Variants in NLN observed in about 807,000 individuals in gnomAD.
The protein encoded by NLN is neurolysin, mitochondrial.
Under a neutral mutation model 79.9 loss-of-function variants are expected in NLN, and 64 were observed. That is an observed-to-expected ratio of 0.80 (90% CI 0.65 to 0.99). NLN has a LOEUF of 0.99. Ranked by LOEUF, NLN falls within the 50% of genes least tolerant of loss-of-function variation. NLN has a pLI of 0.00. For missense variants in NLN, 835 were observed against 858.7 expected (o/e 0.97, Z 0.34); for synonymous variants, 267 against 296.6 (o/e 0.90, Z 1.02).
chr5:65,738,303 G>T (rs1402186773), intron 1 of NLN, among the ~76,000 whole-genome samples: 1 of 142,810 alleles, frequency 7.0e-6, no homozygotes, highest in African/African-American at 2.4e-5. Flanking sequence ...AGGGGGAAAG[G>T]CCAGGTGTGG....
At chr5:65,816,921 G>C (rs965952359) in intron 12 of NLN, among the ~76,000 whole-genome samples, 1 of 152,130 alleles carries the variant, frequency 6.6e-6, no homozygotes, top group African/African-American at 2.4e-5. Flanking sequence ...CCAGGCACTA[G>C]AGAGGCTGGG....
At chr5:65,803,835 C>T (rs1162169570) in intron 9 of NLN, among the ~76,000 whole-genome samples, 2 of 152,214 alleles carry the variant, frequency 1.3e-5, no homozygotes, top group African/African-American at 2.4e-5. Flanking sequence ...CTGTTCCTGG[C>T]TCCTGCCAGC....
At chr5:65,772,825 G>A (rs923129805) in intron 3 of NLN, among the ~76,000 whole-genome samples, 1 of 151,554 alleles carries the variant, frequency 6.6e-6, no homozygotes, top group African/African-American at 2.4e-5. Flanking sequence ...CTGCCTCCCA[G>A]GCTCAAGTGA....
chr5:65,723,814 C>CAAAAAAAAAAAAAA (rs760572199), intron 1 of NLN, among the ~76,000 whole-genome samples: 23 of 55,314 alleles, frequency 4.2e-4, no homozygotes, highest in African/African-American at 1.0e-3. Context: ...GACTCCGTCT[C>CAAAAAAAAAAAAAA]AAAAAAAAAA....
At chr5:65,788,995 G>A (rs1169651215) in intron 8 of NLN, among the ~76,000 whole-genome samples, 1 of 151,376 alleles carries the variant, frequency 6.6e-6, no homozygotes, top group Non-Finnish European at 1.5e-5. Flanking sequence ...TGAAAAATTA[G>A]CCAGGTGTGG....
At chr5:65,808,586 CTG>C (rs1760474658) in intron 9 of NLN, among the ~76,000 whole-genome samples, 1 of 152,192 alleles carries the variant, frequency 6.6e-6, no homozygotes, top group Non-Finnish European at 1.5e-5. Context: ...TAGTGAATCT[CTG>C]TTTTTCTACT....
chr5:65,732,861 C>G, intron 1 of NLN: 2 of 408,456 alleles, frequency 4.9e-6, no homozygotes, highest in South Asian at 4.6e-5. Context: ...TGGAGCTGCC[C>G]CTGAATGATC....
rs2150781352 is a variant in NLN, at chr5:65,824,881, G to C, written c.*1966G>C. 6.6e-6 allele frequency: 1 copy of C among 152,380 alleles called. No homozygotes were observed. Among genetic ancestry groups the C allele is most frequent in the East Asian group, 1.9e-4 (1 of 5,192 alleles). The allele number at this position is 152,380 out of a possible 1,614,324, so 9.4% of individuals were successfully genotyped here. Reference sequence around the variant, plus strand: ...AGCACTTTGGGAGGCCAAGGCAGGAGGATCACCTGAGGTCAGAGTTCAAGA... The same window carrying C: ...AGCACTTTGGGAGGCCAAGGCAGGACGATCACCTGAGGTCAGAGTTCAAGA... On this transcript the variant is annotated 3_prime_UTR_variant, in exon 13 of 13. Transcript: ENST00000380985.
intron 3 of NLN, among the ~76,000 whole-genome samples, chr5:65,769,692 G>T (rs567413673): frequency 6.6e-6 from 1 of 152,322 alleles, no homozygotes; most frequent in Admixed American, 6.5e-5. Flanking sequence ...GTAGCAATAT[G>T]ACTCATATAA....
intron 12 of NLN, among the ~76,000 whole-genome samples, chr5:65,816,713 A>T (rs1760679835): frequency 6.6e-6 from 1 of 152,184 alleles, no homozygotes; most frequent in Non-Finnish European, 1.5e-5. Context: ...TGGTGGCTTC[A>T]GATACATAGA....
At chr5:65,722,688 C>A in intron 1 of NLN, 1 of 487,398 alleles carries the variant, frequency 2.1e-6, no homozygotes, top group South Asian at 2.6e-5. Flanking sequence ...CAGACGCGGC[C>A]CAAAATGAAT....
At chr5:65,768,828 G>A (rs376548754) in intron 3 of NLN, among the ~76,000 whole-genome samples, 24 of 152,276 alleles carry the variant, frequency 1.6e-4, no homozygotes, top group African/African-American at 5.8e-4. Flanking sequence ...TTCCTAAAAG[G>A]CCACAATCCT....
chr5:65,818,388 C>T (rs1459423627), intron 12 of NLN, among the ~76,000 whole-genome samples: 1 of 152,030 alleles, frequency 6.6e-6, no homozygotes, highest in African/African-American at 2.4e-5. Flanking sequence ...CACTTCTCTA[C>T]CCCCCCATAC....
intron 1 of NLN, among the ~76,000 whole-genome samples, chr5:65,742,153 C>T (rs1758881232): frequency 6.6e-6 from 1 of 151,800 alleles, no homozygotes; most frequent in South Asian, 2.1e-4. Context: ...CATTTATTTA[C>T]AATGAAATTT....
rs140799100 is a variant in NLN, at chr5:65,809,595, G to A, written c.1608G>A (p.Val536=). Residue 536 remains valine (V), a synonymous_variant, in exon 10 of 13, where the codon GTG becomes GTA. Transcript: ENST00000380985. ...EVPSQMLENW[V]WDVDSLRRLS... The stretch of plus-strand genomic sequence containing the variant: ...CATCGCAAATGCTTGAAAATTGGGT[G>A]TGGGACGTCGATTCCCTCCGAAGAT... 8.5e-5 allele frequency: 137 copies of A among 1,613,892 alleles called. No individual in the cohort carries two copies. In the African/African-American group the frequency reaches 1.7e-3, roughly 20 times the overall value.
At chr5:65,756,059 A>T (rs1759210967) in intron 1 of NLN, among the ~76,000 whole-genome samples, 1 of 152,034 alleles carries the variant, frequency 6.6e-6, no homozygotes, top group Non-Finnish European at 1.5e-5. Flanking sequence ...TTCAACAAAG[A>T]CTTTTCAGTA....
At chr5:65,798,003 T>G (rs1316426655) in intron 9 of NLN, among the ~76,000 whole-genome samples, 1 of 152,130 alleles carries the variant, frequency 6.6e-6, no homozygotes, top group Non-Finnish European at 1.5e-5. Flanking sequence ...TGATGGAGGA[T>G]TAGCTGAAGA....
At chr5:65,760,508 A>G (rs1759314868) in intron 2 of NLN, among the ~76,000 whole-genome samples, 1 of 152,166 alleles carries the variant, frequency 6.6e-6, no homozygotes, top group Admixed American at 6.5e-5. Context: ...AAGATGGTAT[A>G]CCAACCCATA....
At chr5:65,741,659 AT>A (rs1404902484) in intron 1 of NLN, among the ~76,000 whole-genome samples, 1 of 152,200 alleles carries the variant, frequency 6.6e-6, no homozygotes, top group African/African-American at 2.4e-5. Flanking sequence ...AAAGCAATTT[AT>A]TCATGTTTCT....
Sources: gnomAD v4.1 joint callset for allele counts (sites outside exome capture counted in the v4.1 genomes callset) on GRCh38, gnomAD v4.1.1 for gene constraint, MANE v1.5 for transcripts, NCBI Gene and HGNC (gene_info 2026-07-23, HGNC 2026-07-21) for gene names.